STYXL2: variants seen among roughly 807,000 people sequenced by gnomAD.
STYXL2 encodes serine/threonine/tyrosine-interacting-like protein 2.
In STYXL2, 44 loss-of-function variants were observed where a neutral mutation model predicts 52.4. The ratio of observed to expected loss-of-function variants is 0.84; its 90% CI spans 0.66 to 1.08. The LOEUF (loss-of-function observed/expected upper bound fraction) is 1.08, where lower values mean the gene tolerates loss of function less well. Ranked by LOEUF, STYXL2 falls within the 50% of genes least tolerant of loss-of-function variation. The pLI is 0.00. For missense variants in STYXL2, 1,604 were observed against 1,471.7 expected, an observed-to-expected ratio of 1.09 and a Z score of -1.47; for synonymous variants, 604 against 586.9, an observed-to-expected ratio of 1.03 and a Z score of -0.42.
chr1:167,119,547 G>T, intron 5 of STYXL2, 81 bp downstream of exon 5: 2 of 1,236,908 alleles, frequency 1.6e-6, no homozygotes, highest in Non-Finnish European at 2.3e-6. Flanking sequence ...AACCTGATTA[G>T]TTGGCGTGTG....
At chr1:167,113,452 G>A (rs1667657628) in intron 2 of STYXL2, among the ~76,000 whole-genome samples, 1 of 152,204 alleles carries the variant, frequency 6.6e-6, no homozygotes, top group African/African-American at 2.4e-5. Context: ...GTACGCTCTT[G>A]CCTCCACAAC....
chr1:167,107,170 G>A (rs985195812), intron 2 of STYXL2, among the ~76,000 whole-genome samples: 10 of 152,144 alleles, frequency 6.6e-5, no homozygotes, highest in Non-Finnish European at 1.0e-4. Flanking sequence ...TGGTGTTCTG[G>A]GGGTAGTCGG....
chr1:167,129,115 G>T lies in STYXL2; in HGVS notation c.*507G>T. On this transcript the variant is annotated 3_prime_UTR_variant, in exon 6 of 6. Coordinates refer to ENST00000361200, the MANE Select transcript of STYXL2 (RefSeq NM_001080426.3). ...AATGTTTTGAGTCTCCATTAAAAATGGTATGTTGGCAAATAGTTCTTCTTT... is the reference window on the plus strand; with the variant it reads ...AATGTTTTGAGTCTCCATTAAAAATTGTATGTTGGCAAATAGTTCTTCTTT... The T allele has an allele frequency of 6.5e-6, 1 of 153,346 alleles. No homozygotes were observed. The highest frequency in any genetic ancestry group is 2.0e-4 in the South Asian group (1 of 4,880). 9.5% of individuals were successfully genotyped at this position (153,346 alleles called of 1,614,324 possible). A position where few individuals can be genotyped will look rare whatever the true frequency, so the allele number is the denominator to read the frequency against.
chr1:167,113,853 A>T, intron 3 of STYXL2, 49 bp downstream of exon 3: 1 of 1,425,742 alleles, frequency 7.0e-7, no homozygotes, highest in East Asian at 2.3e-5. Flanking sequence ...GGTCATCTGG[A>T]GACCCTTAGA....
intron 2 of STYXL2, among the ~76,000 whole-genome samples, chr1:167,109,028 A>G (rs1480867521): frequency 6.6e-6 from 1 of 152,208 alleles, no homozygotes; most frequent in Non-Finnish European, 1.5e-5. Context: ...CTCAGTCCCC[A>G]GGGAAGCCAT....
Position 167,110,897 on chromosome 1 carries a change from C to T in STYXL2, c.111-2813C>T, listed in dbSNP as rs933150310. Among the ~76,000 whole-genome samples, 5 of 152,332 alleles carry T rather than the reference C, an allele frequency of 3.3e-5. No homozygotes were observed. In the South Asian group the frequency reaches 1.0e-3, roughly 32 times the overall value. ...TTATTATAAAAACCTCAGCTTTAAG[C>T]TATCAGGGTCTCCACCAGATTCCTG... On this transcript the variant is annotated intron_variant, in intron 2 of 5. Transcript: ENST00000361200.
At chr1:167,117,763 G>C (rs1489011885) in intron 4 of STYXL2, among the ~76,000 whole-genome samples, 1 of 152,168 alleles carries the variant, frequency 6.6e-6, no homozygotes, top group Non-Finnish European at 1.5e-5. Flanking sequence ...ATGCCGCCAT[G>C]ACTGCTTATC....
intron 2 of STYXL2, among the ~76,000 whole-genome samples, chr1:167,096,870 C>T (rs1667295092): frequency 6.6e-6 from 1 of 152,160 alleles, no homozygotes; most frequent in African/African-American, 2.4e-5. Flanking sequence ...ACTCAAAATC[C>T]CACTTACCAA....
chr1:167,122,082 T>A (rs551088116), intron 5 of STYXL2, among the ~76,000 whole-genome samples: 224 of 152,258 alleles, frequency 1.5e-3, no homozygotes, highest in African/African-American at 4.9e-3. Context: ...GTGTTGTTAT[T>A]TACATTGTAC....
intron 2 of STYXL2, among the ~76,000 whole-genome samples, chr1:167,112,792 AG>A (rs1371477128): frequency 1.4e-4 from 22 of 152,336 alleles, no homozygotes; most frequent in African/African-American, 4.1e-4. Context: ...TAATTTGTGG[AG>A]GGTTTGTCAG....
chr1:167,125,761 C>T (rs752085170), intron 5 of STYXL2, 26 bp from the exon 6 acceptor site: 8 of 1,555,184 alleles, frequency 5.1e-6, no homozygotes, highest in Non-Finnish European at 6.1e-6. Flanking sequence ...GTCATTACAT[C>T]ATTTTCTCTT....
intron 2 of STYXL2, among the ~76,000 whole-genome samples, chr1:167,110,536 T>A (rs1042988324): frequency 2.0e-5 from 3 of 151,842 alleles, no homozygotes; most frequent in Non-Finnish European, 2.9e-5. Context: ...AACAAAAAAA[T>A]CACAACTTCT....
intron 2 of STYXL2, among the ~76,000 whole-genome samples, chr1:167,103,164 C>G (rs1193547206): frequency 6.6e-6 from 1 of 152,184 alleles, no homozygotes; most frequent in Non-Finnish European, 1.5e-5. Flanking sequence ...CTTCTCTTCT[C>G]TTATAAGGAC....
rs1318290469 is a variant in STYXL2 at position 167,128,827 on chromosome 1, G to A, written c.*219G>A. ...AATACGAATACGAGGTCCGAATGCG[G>A]ACCAACTGATACCATTTTCTGTTGC... On this transcript the variant is annotated 3_prime_UTR_variant, in exon 6 of 6. Coordinates refer to ENST00000361200, the MANE Select transcript of STYXL2 (RefSeq NM_001080426.3). The A allele has an allele frequency of 1.4e-5, 9 of 647,416 alleles. No individual in the cohort carries two copies. Among genetic ancestry groups the A allele is most frequent in the Non-Finnish European group, 2.2e-5 (9 of 401,890 alleles). The allele number at this position is 647,416 out of a possible 1,614,324, so 40.1% of individuals were successfully genotyped here. A position where few individuals can be genotyped will look rare whatever the true frequency, so the allele number is the denominator to read the frequency against.
chr1:167,115,824 G>T (rs1355471581), intron 3 of STYXL2, among the ~76,000 whole-genome samples: 1 of 152,126 alleles, frequency 6.6e-6, no homozygotes, highest in Non-Finnish European at 1.5e-5. Flanking sequence ...TTAGAGCTGA[G>T]CCCTGATGCA....
Position 167,111,469 on chromosome 1 carries a change from CATATATATATAT to C in STYXL2, c.111-2207_111-2196del, listed in dbSNP as rs776014246. ...ACAAGTGGATAAGGAAAATATGGTA[CATATATATATAT>C]ATATATATATATATATATATATATA... On this transcript the variant is annotated intron_variant, in intron 2 of 5. Transcript: ENST00000361200. Among the ~76,000 whole-genome samples, 243 of 79,912 alleles carry C rather than the reference CATATATATATAT, an allele frequency of 3.0e-3. 2 individuals are homozygous for C. The East Asian group carries it at 0.04, about 13-fold the overall frequency. 52.4% of individuals were successfully genotyped at this position (79,912 alleles called of 152,430 possible). A position where few individuals can be genotyped will look rare whatever the true frequency, so the allele number is the denominator to read the frequency against.
In STYXL2 at chr1:167,129,019, G is replaced by T. The variant is rs144433962; in HGVS notation, c.*411G>T. On this transcript the variant is annotated 3_prime_UTR_variant, in exon 6 of 6. Coordinates refer to ENST00000361200, the MANE Select transcript of STYXL2 (RefSeq NM_001080426.3). ...TTCTGTCTGTAGAGGCTTCATATGA[G>T]ACCCAGAAAGTCTATCCTATGGCAA... 1 of 161,202 alleles carries T rather than the reference G, an allele frequency of 6.2e-6. No individual in the cohort carries two copies. The highest frequency in any genetic ancestry group is 1.8e-4 in the East Asian group (1 of 5,438). 10.0% of individuals were successfully genotyped at this position (161,202 alleles called of 1,614,324 possible).
intron 2 of STYXL2, among the ~76,000 whole-genome samples, chr1:167,111,469 C>CATATATAT (rs776014246): frequency 1.1e-3 from 85 of 79,794 alleles, no homozygotes; most frequent in Non-Finnish European, 1.4e-3. Flanking sequence ...AAATATGGTA[C>CATATATAT]ATATATATAT....
Position 167,126,585 on chromosome 1 carries a change from T to C in STYXL2, c.1454T>C (p.Leu485Pro), listed in dbSNP as rs1571349346. The stretch of plus-strand genomic sequence containing the variant: ...TGGGACGCATGGAACGAGAGGCTGC[T>C]GGAGATTGAGAAGGAGGCTTCCCGG... Reference protein sequence around the residue: ...STWDAWNERLLEIEKEASRRY... With the variant: ...STWDAWNERLPEIEKEASRRY... Residue 485 changes from leucine to proline, a missense_variant, in exon 6 of 6, where the codon CTG becomes CCG. Transcript: ENST00000361200. 1 of 1,613,866 alleles carries C rather than the reference T, an allele frequency of 6.2e-7. No individual in the cohort carries two copies. Among genetic ancestry groups the C allele is most frequent in the South Asian group, 1.1e-5 (1 of 91,068 alleles).
Sources: gnomAD v4.1 joint callset for allele counts (sites outside exome capture counted in the v4.1 genomes callset) on GRCh38, gnomAD v4.1.1 for gene constraint, MANE v1.5 for transcripts, NCBI Gene and HGNC (gene_info 2026-07-23, HGNC 2026-07-21) for gene names.